Variants in DCAF6 observed in about 807,000 individuals in gnomAD.
DCAF6 encodes DDB1 and CUL4 associated factor 6.
In DCAF6, 54 loss-of-function variants were observed where a neutral mutation model predicts 125.1. The observed-to-expected ratio is 0.43, with a 90% CI of 0.35 to 0.54. The LOEUF (loss-of-function observed/expected upper bound fraction) is 0.54, where lower values mean the gene tolerates loss of function less well. DCAF6 is among the 20% of genes least tolerant of loss of function. DCAF6 has a pLI of 0.01. For synonymous variants in DCAF6, 371 were observed against 390.4 expected (o/e 0.95, Z 0.58); for missense variants, 934 against 1,161.7 (o/e 0.80, Z 2.85).
chr1:167,939,350 GTTAA>G (rs1311454387), intron 1 of DCAF6, among the ~76,000 whole-genome samples: 3 of 151,732 alleles, frequency 2.0e-5, no homozygotes, highest in South Asian at 2.1e-4. Context: ...ATACAATCAA[GTTAA>G]TTAACATATC....
At chr1:167,940,128 T>C (rs1467854033) in intron 1 of DCAF6, among the ~76,000 whole-genome samples, 1 of 152,238 alleles carries the variant, frequency 6.6e-6, no homozygotes, top group Non-Finnish European at 1.5e-5. Flanking sequence ...ATTAATTATC[T>C]CCTTTCTTCC....
At chr1:168,021,086 G>A (rs967606715) in intron 11 of DCAF6, among the ~76,000 whole-genome samples, 7 of 152,050 alleles carry the variant, frequency 4.6e-5, no homozygotes, top group South Asian at 2.1e-4. Flanking sequence ...AAATAGTTTT[G>A]TAGAGATGAC....
the DCAF6 span, among the ~76,000 whole-genome samples, chr1:167,867,925 G>A: frequency 1.3e-5 from 2 of 152,110 alleles, no homozygotes; most frequent in African/African-American, 4.8e-5. Context: ...AAAAGGAGAA[G>A]GCAGCCCCTC....
At chr1:167,865,192 AT>A in the DCAF6 span, among the ~76,000 whole-genome samples, 1 of 152,230 alleles carries the variant, frequency 6.6e-6, no homozygotes, top group South Asian at 2.1e-4. Flanking sequence ...TGGTAAAAAG[AT>A]TAGAAGGAGG....
At chr1:167,899,254 C>T in the DCAF6 span, among the ~76,000 whole-genome samples, 3 of 152,188 alleles carry the variant, frequency 2.0e-5, no homozygotes, top group African/African-American at 7.2e-5. Flanking sequence ...CTGGGCTCCT[C>T]CCAGAGGAGC....
the DCAF6 span, among the ~76,000 whole-genome samples, chr1:167,930,028 C>T: frequency 6.6e-5 from 10 of 152,232 alleles, no homozygotes; most frequent in East Asian, 1.2e-3. Context: ...TAATCTTTGA[C>T]ATGGATACTG....
In DCAF6 at chr1:168,065,583, C is replaced by A; in HGVS notation, c.2440-7C>A. 1 of 1,553,624 alleles carries A rather than the reference C, an allele frequency of 6.4e-7. No individual in the cohort carries two copies. Among genetic ancestry groups the A allele is most frequent in the Non-Finnish European group, 8.7e-7 (1 of 1,145,704 alleles). ...TGAATTTTTAAATAATTTTTTTTAA[C>A]CCTTAGATAAAAGAAGCCAATTTCT... On this transcript the variant is annotated splice_region_variant and splice_polypyrimidine_tract_variant and intron_variant, in intron 18 of 21. Transcript: ENST00000367840.
chr1:167,952,972 TTGC>T (rs1233551283), intron 2 of DCAF6, among the ~76,000 whole-genome samples: 1 of 152,196 alleles, frequency 6.6e-6, no homozygotes, highest in East Asian at 1.9e-4. Context: ...CCCATCCACC[TTGC>T]TGAAGATCCA....
chr1:167,971,547 T>A (rs138116371), intron 3 of DCAF6, among the ~76,000 whole-genome samples: 2 of 152,202 alleles, frequency 1.3e-5, no homozygotes, highest in African/African-American at 4.8e-5. Flanking sequence ...ACTTTTGGAC[T>A]GAGCTTCAAG....
At chr1:167,911,125 C>CA in the DCAF6 span, among the ~76,000 whole-genome samples, 84 of 152,206 alleles carry the variant, frequency 5.5e-4, no homozygotes, top group Non-Finnish European at 9.9e-4. Flanking sequence ...CACCGAAGGA[C>CA]AAATATAAAC....
At chr1:167,942,668 C>G (rs1672437901) in intron 1 of DCAF6, among the ~76,000 whole-genome samples, 1 of 151,760 alleles carries the variant, frequency 6.6e-6, no homozygotes, top group South Asian at 2.1e-4. Flanking sequence ...ATCTTTTTAC[C>G]TCTTACATTT....
chr1:168,029,087 G>C (rs1216780404), intron 12 of DCAF6, among the ~76,000 whole-genome samples: 1 of 152,084 alleles, frequency 6.6e-6, no homozygotes, highest in African/African-American at 2.4e-5. Context: ...TGATATATTT[G>C]ATCTTTTGGA....
At chr1:167,957,557 T>C (rs569767923) in intron 2 of DCAF6, among the ~76,000 whole-genome samples, 2 of 152,286 alleles carry the variant, frequency 1.3e-5, no homozygotes, top group Admixed American at 1.3e-4. Flanking sequence ...GTTGTTTCCA[T>C]TTTTTGGCAA....
At chr1:167,900,291 G>A in the DCAF6 span, among the ~76,000 whole-genome samples, 1 of 152,176 alleles carries the variant, frequency 6.6e-6, no homozygotes, top group East Asian at 1.9e-4. Context: ...ATTTGTCAGG[G>A]CTGACTCCCC....
chr1:167,894,838 A>C, the DCAF6 span, among the ~76,000 whole-genome samples: 2 of 152,176 alleles, frequency 1.3e-5, no homozygotes, highest in African/African-American at 4.8e-5. Flanking sequence ...TGAAGTTTGT[A>C]GAGGATTCAA....
At chr1:168,071,349 A>G (rs988115068) in intron 21 of DCAF6, among the ~76,000 whole-genome samples, 6 of 152,272 alleles carry the variant, frequency 3.9e-5, no homozygotes, top group Non-Finnish European at 8.8e-5. Context: ...CACGCCTGTA[A>G]TCTCAGCACT....
intron 11 of DCAF6, 143 bp from the exon 12 acceptor site, chr1:168,022,845 C>A: frequency 1.4e-6 from 1 of 725,580 alleles, no homozygotes; most frequent in Admixed American, 2.1e-5. Context: ...GCCCTGCTTA[C>A]TCACTGCTTG....
At chr1:168,010,270 A>G (rs1251005750) in intron 10 of DCAF6, among the ~76,000 whole-genome samples, 1 of 152,118 alleles carries the variant, frequency 6.6e-6, no homozygotes, top group Non-Finnish European at 1.5e-5. Context: ...CATTATATAT[A>G]TATATATTTG....
the DCAF6 span, among the ~76,000 whole-genome samples, chr1:167,905,369 T>G: frequency 2.0e-5 from 3 of 152,178 alleles, no homozygotes; most frequent in Non-Finnish European, 2.9e-5. Context: ...GGAAGAACCC[T>G]CCCACCCTGA....
Sources: allele counts gnomAD v4.1 joint callset (sites outside exome capture counted in the v4.1 genomes callset), GRCh38; gene constraint gnomAD v4.1.1; transcripts MANE v1.5; gene names NCBI Gene and HGNC (gene_info 2026-07-23, HGNC 2026-07-21).